The following CSMD1 variants were observed in gnomAD, a reference collection of about 807,000 sequenced individuals.
CSMD1 encodes the protein CUB and sushi domain-containing protein 1.
In CSMD1, 213 loss-of-function variants were observed where a neutral mutation model predicts 417.5. The ratio of observed to expected loss-of-function variants is 0.51; its 90% CI spans 0.46 to 0.57. CSMD1 has a LOEUF of 0.57. Ranked by LOEUF, CSMD1 falls within the 20% of genes least tolerant of loss-of-function variation. The probability of loss-of-function intolerance (pLI) is 0.00; values close to 1 mark genes in which losing one functional copy is unlikely to be tolerated. For missense variants in CSMD1, 6,923 were observed against 4,529.7 expected (o/e 1.53, Z -15.17); for synonymous variants, 2,862 against 1,736.8 (o/e 1.65, Z -16.11).
At chr8:4,890,593 C>G (rs936170050) in intron 1 of CSMD1, among the ~76,000 whole-genome samples, 1 of 148,556 alleles carries the variant, frequency 6.7e-6, no homozygotes, top group Non-Finnish European at 1.5e-5. Flanking sequence ...CAGGTGAGAG[C>G]GTGACTCTGA....
At chr8:3,282,514 C>A (rs4388471) in intron 26 of CSMD1, among the ~76,000 whole-genome samples, 89,367 of 151,842 alleles carry the variant, frequency 0.59, 27,271 homozygotes, top group Non-Finnish European at 0.68. Context: ...CTCTTGCCAC[C>A]ATTTCAAAAG....
chr8:4,142,495 C>T (rs759949474), intron 3 of CSMD1, among the ~76,000 whole-genome samples: 5 of 151,166 alleles, frequency 3.3e-5, no homozygotes, highest in Non-Finnish European at 7.4e-5. Flanking sequence ...TTCACAAGCT[C>T]GTGAAAAAGG....
intron 50 of CSMD1, among the ~76,000 whole-genome samples, chr8:3,040,410 A>ATATATATATT (rs1229761160): frequency 2.5e-4 from 36 of 144,852 alleles, no homozygotes; most frequent in Non-Finnish European, 4.2e-4. Flanking sequence ...ATATATATAT[A>ATATATATATT]TATAACAGAA....
chr8:4,316,256 T>C (rs774153123), intron 3 of CSMD1, among the ~76,000 whole-genome samples: 2 of 152,190 alleles, frequency 1.3e-5, no homozygotes, highest in African/African-American at 2.4e-5. Context: ...TGATTTTTCA[T>C]CCTCGAATCT....
intron 12 of CSMD1, among the ~76,000 whole-genome samples, chr8:3,459,637 G>A (rs1047737332): frequency 2.0e-5 from 3 of 152,214 alleles, no homozygotes; most frequent in Non-Finnish European, 4.4e-5. Flanking sequence ...GGTAACTCCC[G>A]GACGGTCCAG....
intron 51 of CSMD1, 90 bp from the exon 52 acceptor site, chr8:3,018,740 A>C (rs990650483): frequency 5.0e-4 from 625 of 1,250,592 alleles, no homozygotes; most frequent in Non-Finnish European, 4.1e-4. Flanking sequence ...AACAAAAAAA[A>C]CCAAAAAACT....
chr8:4,960,352 T>C (rs1809395409), intron 1 of CSMD1, among the ~76,000 whole-genome samples: 1 of 152,150 alleles, frequency 6.6e-6, no homozygotes, highest in African/African-American at 2.4e-5. Flanking sequence ...TAGAAGAGAA[T>C]AAGAAATATC....
intron 2 of CSMD1, among the ~76,000 whole-genome samples, chr8:4,580,259 G>C (rs1424393265): frequency 6.6e-6 from 1 of 152,092 alleles, no homozygotes; most frequent in Non-Finnish European, 1.5e-5. Flanking sequence ...TCTGCTCTCG[G>C]CTGTGGTCAT....
chr8:4,963,101 T>C (rs1809615572), intron 1 of CSMD1, among the ~76,000 whole-genome samples: 1 of 152,186 alleles, frequency 6.6e-6, no homozygotes, highest in Non-Finnish European at 1.5e-5. Context: ...TCCGCAAGAA[T>C]ATAGGCTTAT....
chr8:4,680,889 T>C (rs2130976334), intron 1 of CSMD1, among the ~76,000 whole-genome samples: 1 of 151,528 alleles, frequency 6.6e-6, no homozygotes, highest in African/African-American at 2.4e-5. Context: ...CCTAAGATAG[T>C]TTTCAATGTG....
intron 1 of CSMD1, among the ~76,000 whole-genome samples, chr8:4,876,396 G>A (rs549429801): frequency 1.1e-4 from 17 of 152,174 alleles, no homozygotes; most frequent in African/African-American, 3.4e-4. Context: ...AGAGCAAACC[G>A]TTAAAGGAGT....
At chr8:4,545,973 C>G (rs1333307643) in intron 2 of CSMD1, among the ~76,000 whole-genome samples, 2 of 152,134 alleles carry the variant, frequency 1.3e-5, no homozygotes, top group African/African-American at 4.8e-5. Flanking sequence ...TCGCCTGAAT[C>G]CCCTTCTTAT....
intron 36 of CSMD1, among the ~76,000 whole-genome samples, chr8:3,184,079 C>G (rs72621198): frequency 0.13 from 19,615 of 152,136 alleles, 1,756 homozygotes; most frequent in East Asian, 0.28. Context: ...GGCCCAAAGA[C>G]CCTGCATGAT....
At chr8:4,125,425 T>C (rs1802706685) in intron 3 of CSMD1, among the ~76,000 whole-genome samples, 3 of 152,196 alleles carry the variant, frequency 2.0e-5, no homozygotes, top group African/African-American at 7.2e-5. Flanking sequence ...AATGCACATC[T>C]TTCATCTGTT....
intron 28 of CSMD1, among the ~76,000 whole-genome samples, chr8:3,220,470 G>A (rs1196976131): frequency 1.3e-5 from 2 of 152,130 alleles, no homozygotes; most frequent in Non-Finnish European, 2.9e-5. Flanking sequence ...TAAGAGAAAG[G>A]CTGAGCTTGG....
At position 4,751,393 on chromosome 8, in the gene CSMD1, G is replaced by C. The variant is rs564241600; in HGVS notation, c.86-113835C>G. Among the ~76,000 whole-genome samples the C allele has an allele frequency of 6.6e-5, 10 of 151,910 alleles. No homozygotes were observed. The East Asian group carries it at 1.2e-3, about 18-fold the overall frequency. On this transcript the variant is annotated intron_variant, in intron 1 of 69. Transcript: ENST00000635120. ...ACGACAGAGCAAGACTCTGTCTCAG[G>C]GGGGGTGGCGGGGCAGGAAAAGAGA...
intron 2 of CSMD1, among the ~76,000 whole-genome samples, chr8:4,512,405 T>G (rs1802870998): frequency 6.6e-6 from 1 of 152,172 alleles, no homozygotes. Flanking sequence ...CTTTCACCAC[T>G]GATTTCCAAC....
intron 29 of CSMD1, 115 bp downstream of exon 29, chr8:3,219,140 C>A: frequency 3.9e-6 from 3 of 765,142 alleles, no homozygotes; most frequent in South Asian, 1.8e-5. Context: ...ACAGAGGAGA[C>A]ACATATCAGC....
intron 5 of CSMD1, among the ~76,000 whole-genome samples, chr8:3,963,758 T>C (rs181967072): frequency 1.7e-3 from 255 of 151,250 alleles, no homozygotes; most frequent in Middle Eastern, 3.4e-3. Flanking sequence ...AATATCACAA[T>C]AGTATAGTAT....
Sources: gnomAD v4.1 joint callset for allele counts (sites outside exome capture counted in the v4.1 genomes callset) on GRCh38, gnomAD v4.1.1 for gene constraint, MANE v1.5 for transcripts, NCBI Gene and HGNC (gene_info 2026-07-23, HGNC 2026-07-21) for gene names.